The following LRRC69 variants were observed in gnomAD, a reference collection of about 807,000 sequenced individuals.
LRRC69 encodes the protein leucine-rich repeat-containing protein 69.
LRRC69 carries 42 observed loss-of-function variants against 37.8 expected under a neutral mutation model. The observed-to-expected ratio is 1.11, with a 90% CI of 0.87 to 1.44. The LOEUF (loss-of-function observed/expected upper bound fraction) is 1.44. LRRC69 is among the 40% of genes most tolerant of loss of function. The pLI, the probability that LRRC69 is intolerant of heterozygous loss-of-function variation, is 0.00. For synonymous variants in LRRC69, 141 were observed against 143.1 expected, an observed-to-expected ratio of 0.99 and a Z score of 0.11; for missense variants, 357 against 401.9, an observed-to-expected ratio of 0.89 and a Z score of 0.96.
At chr8:91,148,747 G>A (rs1808671017) in intron 5 of LRRC69, among the ~76,000 whole-genome samples, 1 of 152,044 alleles carries the variant, frequency 6.6e-6, no homozygotes, top group East Asian at 1.9e-4. Flanking sequence ...AGCACCTGTT[G>A]TTTCCTGACT....
Position 91,142,443 on chromosome 8 carries a change from T to C in LRRC69, c.651+6704T>C, listed in dbSNP as rs908715337. The stretch of plus-strand genomic sequence containing the variant: ...TGCAAGTTATCAAATCTATTTGTTA[T>C]TGAATAATTCCTTGAAGAAGACAGA... On this transcript the variant is annotated intron_variant, in intron 5 of 7. Transcript: ENST00000448384. Among the ~76,000 whole-genome samples, 8 of 152,096 alleles carry C rather than the reference T, an allele frequency of 5.3e-5. 1 individual carries two copies. Among genetic ancestry groups the C allele is most frequent in the Admixed American group, 3.3e-4 (5 of 15,250 alleles).
chr8:91,159,497 G>T (rs898148349), intron 5 of LRRC69, among the ~76,000 whole-genome samples: 2 of 151,026 alleles, frequency 1.3e-5, no homozygotes, highest in African/African-American at 4.8e-5. Context: ...TATAAATGAA[G>T]ACACATGGTT....
chr8:91,165,709 A>G (rs62526706), intron 5 of LRRC69, among the ~76,000 whole-genome samples: 19,641 of 151,726 alleles, frequency 0.13, 2,735 homozygotes, highest in African/African-American at 0.35. Context: ...TGTAGTAGAT[A>G]TATTTTAATT....
At chr8:91,124,834 A>G (rs1338734091) in intron 2 of LRRC69, 2 of 404,814 alleles carry the variant, frequency 4.9e-6, no homozygotes, top group East Asian at 1.1e-4. Context: ...ATAAGTAAGC[A>G]TCAGTGTTAA....
At chr8:91,151,416 T>C (rs1808735014) in intron 5 of LRRC69, among the ~76,000 whole-genome samples, 1 of 151,972 alleles carries the variant, frequency 6.6e-6, no homozygotes, top group African/African-American at 2.4e-5. Flanking sequence ...TTCTTAATCC[T>C]GAGTTCTAGT....
At chr8:91,163,592 T>G (rs956632011) in intron 5 of LRRC69, among the ~76,000 whole-genome samples, 1 of 151,506 alleles carries the variant, frequency 6.6e-6, no homozygotes, top group Non-Finnish European at 1.5e-5. Flanking sequence ...ATTTGCTTGC[T>G]TTTATATTGC....
rs968272804 is a variant in LRRC69 at position 91,131,999 on chromosome 8, C to T, written c.384-1111C>T. ...CTTTTGTTGTTTTTCCTATCAATCCCAGGTATTCATATGGCTTCTACTATG... is the reference window on the plus strand; with the variant it reads ...CTTTTGTTGTTTTTCCTATCAATCCTAGGTATTCATATGGCTTCTACTATG... On this transcript the variant is annotated intron_variant, in intron 3 of 7. Coordinates refer to ENST00000448384, the Ensembl canonical transcript of LRRC69. Among the ~76,000 whole-genome samples the T allele has an allele frequency of 2.0e-5, 3 of 151,874 alleles. 1 individual carries two copies. Among genetic ancestry groups the T allele is most frequent in the Non-Finnish European group, 4.4e-5 (3 of 68,008 alleles).
chr8:91,187,922 C>T (rs764975270), intron 5 of LRRC69, among the ~76,000 whole-genome samples: 3 of 152,194 alleles, frequency 2.0e-5, no homozygotes, highest in Middle Eastern at 3.4e-3. Context: ...ACATTGATCT[C>T]TCTGTATTGG....
chr8:91,118,599 G>A (rs1168967705), intron 1 of LRRC69: 2 of 197,260 alleles, frequency 1.0e-5, no homozygotes, highest in Non-Finnish European at 2.1e-5. Context: ...AGTAGCAATG[G>A]TGTCTTTCAA....
At chr8:91,170,921 A>G (rs1303904375) in intron 5 of LRRC69, among the ~76,000 whole-genome samples, 1 of 139,996 alleles carries the variant, frequency 7.1e-6, no homozygotes, top group Non-Finnish European at 1.5e-5. Context: ...TAAACTAAAG[A>G]GCTTCTGCAC....
At chr8:91,102,949 A>T in intron 1 of LRRC69, 105 bp downstream of exon 1, 2 of 1,101,234 alleles carry the variant, frequency 1.8e-6, no homozygotes, top group Non-Finnish European at 2.5e-6. Flanking sequence ...ATCTATGGAG[A>T]CTTAGGTATC....
intron 5 of LRRC69, among the ~76,000 whole-genome samples, chr8:91,150,942 C>G (rs908503827): frequency 6.6e-6 from 1 of 151,674 alleles, no homozygotes; most frequent in Non-Finnish European, 1.5e-5. Flanking sequence ...TCCTCTTTAT[C>G]ATTTTTTATT....
chr8:91,133,422 G>T (rs754067562), intron 4 of LRRC69, 117 bp downstream of exon 4: 157 of 683,770 alleles, frequency 2.3e-4, no homozygotes, highest in Non-Finnish European at 3.2e-4. Flanking sequence ...CTTTCTCTCA[G>T]ATTAAATGTA....
chr8:91,161,289 A>T (rs534430687), intron 5 of LRRC69, among the ~76,000 whole-genome samples: 1 of 151,364 alleles, frequency 6.6e-6, no homozygotes, highest in African/African-American at 2.4e-5. Flanking sequence ...TGGTTTTGGT[A>T]TAAGGGAAAT....
In LRRC69 at chr8:91,158,385, A is replaced by G. The variant is rs1808875303; in HGVS notation, c.651+22646A>G. ...TATTTAGATGACAACATCAAAACAA[A>G]CTCTGATCACCCCAAGAAAGTAAAC... On this transcript the variant is annotated intron_variant, in intron 5 of 7. Coordinates refer to ENST00000448384, the Ensembl canonical transcript of LRRC69. The G allele has an allele frequency of 7.1e-6, 10 of 1,411,068 alleles. No homozygotes were observed. In the South Asian group the frequency reaches 9.2e-5, roughly 13 times the overall value. 87.4% of individuals were successfully genotyped at this position (1,411,068 alleles called of 1,614,324 possible).
chr8:91,115,576 G>A (rs1813496696), intron 1 of LRRC69, among the ~76,000 whole-genome samples: 1 of 151,900 alleles, frequency 6.6e-6, no homozygotes, highest in African/African-American at 2.4e-5. Flanking sequence ...GGGATGCATT[G>A]TTCTCTATGT....
At chr8:91,122,870 G>A (rs1337725746) in intron 1 of LRRC69, among the ~76,000 whole-genome samples, 1 of 152,042 alleles carries the variant, frequency 6.6e-6, no homozygotes, top group Non-Finnish European at 1.5e-5. Flanking sequence ...GAATGTGTTA[G>A]GTTATATGAC....
At position 91,133,143 on chromosome 8, in the gene LRRC69, T is replaced by C. The variant is rs60867705; in HGVS notation, c.417T>C (p.Tyr139=). Residue 139 remains tyrosine (Y), a synonymous_variant, in exon 4 of 8, where the codon TAT becomes TAC. Coordinates refer to ENST00000448384, the Ensembl canonical transcript of LRRC69. Reference sequence around the variant, plus strand: ...GTCTTACTTATATGAGTATAAATTATAACCAACTAGCCAGCATTCCTAGAG... The same window carrying C: ...GTCTTACTTATATGAGTATAAATTACAACCAACTAGCCAGCATTCCTAGAG... 4,609 of 1,521,550 alleles carry C rather than the reference T, an allele frequency of 3.0e-3. 134 individuals are homozygous for C. The African/African-American group carries it at 0.056, about 18-fold the overall frequency. 94.3% of individuals were successfully genotyped at this position (1,521,550 alleles called of 1,614,324 possible). A position where few individuals can be genotyped will look rare whatever the true frequency, so the allele number is the denominator to read the frequency against.
intron 1 of LRRC69, among the ~76,000 whole-genome samples, chr8:91,106,424 A>T (rs1053371450): frequency 2.0e-5 from 3 of 152,072 alleles, no homozygotes; most frequent in African/African-American, 7.2e-5. Context: ...AAACAAAAAC[A>T]CTACTTTTAA....
Sources: allele counts gnomAD v4.1 joint callset (sites outside exome capture counted in the v4.1 genomes callset), GRCh38; gene constraint gnomAD v4.1.1; transcripts MANE v1.5; gene names NCBI Gene and HGNC (gene_info 2026-07-23, HGNC 2026-07-21).